Variants in CCDC171 observed in about 807,000 individuals in gnomAD.
CCDC171 encodes the protein coiled-coil domain containing 171, also known as coiled-coil domain-containing protein 171.
Under a neutral mutation model 168.2 loss-of-function variants are expected in CCDC171, and 177 were observed. The observed-to-expected ratio is 1.05, with a 90% CI of 0.93 to 1.19. The LOEUF is 1.19. Among genes scored for constraint, CCDC171 ranks in the 50% most tolerant of loss-of-function variants. The pLI, the probability that CCDC171 is intolerant of heterozygous loss-of-function variation, is 0.00. For synonymous variants in CCDC171, 687 were observed against 540.8 expected (o/e 1.27, Z -3.75); for missense variants, 1,991 against 1,539.0 (o/e 1.29, Z -4.91).
intron 24 of CCDC171, among the ~76,000 whole-genome samples, chr9:15,878,507 G>C (rs1348316683): frequency 1.3e-5 from 2 of 152,146 alleles, no homozygotes; most frequent in African/African-American, 4.8e-5. Flanking sequence ...TGGAGAAAAG[G>C]GAATGCTTAT....
At chr9:15,844,125 C>T (rs541876839) in intron 21 of CCDC171, among the ~76,000 whole-genome samples, 1 of 152,200 alleles carries the variant, frequency 6.6e-6, no homozygotes, top group Middle Eastern at 3.4e-3. Flanking sequence ...TAGTGGCTAA[C>T]CTGCTGCTTA....
intron 6 of CCDC171, among the ~76,000 whole-genome samples, chr9:15,618,711 G>A (rs1490137499): frequency 6.6e-6 from 1 of 152,160 alleles, no homozygotes; most frequent in African/African-American, 2.4e-5. Flanking sequence ...GTAGTACTCA[G>A]GGCGGGTAGC....
intron 18 of CCDC171, among the ~76,000 whole-genome samples, chr9:15,755,098 C>G (rs1234275190): frequency 6.6e-6 from 1 of 152,072 alleles, no homozygotes; most frequent in Non-Finnish European, 1.5e-5. Context: ...TATTGGATGA[C>G]CCTACTTAAA....
intron 22 of CCDC171, among the ~76,000 whole-genome samples, chr9:15,848,296 T>G (rs80246404): frequency 0.027 from 4,093 of 152,078 alleles, 197 homozygotes; most frequent in African/African-American, 0.093. Flanking sequence ...TTTATCTTCA[T>G]TATTTTCATT....
intron 25 of CCDC171, among the ~76,000 whole-genome samples, chr9:15,936,576 G>A (rs1364043027): frequency 6.6e-6 from 1 of 151,928 alleles, no homozygotes; most frequent in South Asian, 2.1e-4. Flanking sequence ...GAACACTTGG[G>A]CCTGCTGCAT....
chr9:15,955,049 A>G (rs987141779), intron 25 of CCDC171, among the ~76,000 whole-genome samples: 2 of 152,152 alleles, frequency 1.3e-5, no homozygotes, highest in African/African-American at 4.8e-5. Flanking sequence ...ATAGAATAAT[A>G]TAGTAACTCT....
chr9:15,926,500 T>G (rs1053510648), intron 25 of CCDC171, among the ~76,000 whole-genome samples: 2 of 151,612 alleles, frequency 1.3e-5, no homozygotes, highest in Non-Finnish European at 3.0e-5. Flanking sequence ...TTTTTGATGC[T>G]CTTTCTTGAC....
chr9:15,934,722 C>G (rs1156526025), intron 25 of CCDC171, among the ~76,000 whole-genome samples: 2 of 152,000 alleles, frequency 1.3e-5, no homozygotes, highest in South Asian at 2.1e-4. Context: ...TATAGCAGCA[C>G]TATTTACAAA....
intron 3 of CCDC171, among the ~76,000 whole-genome samples, chr9:16,011,339 A>G (rs1179022715): frequency 6.6e-6 from 1 of 152,218 alleles, no homozygotes; most frequent in Non-Finnish European, 1.5e-5. Context: ...ACAATGCAGG[A>G]AGACAGTCCT....
At chr9:16,054,919 G>A (rs1369048784) in intron 1 of CCDC171, among the ~76,000 whole-genome samples, 2 of 152,206 alleles carry the variant, frequency 1.3e-5, no homozygotes, top group African/African-American at 4.8e-5. Context: ...GCGGGGGGCA[G>A]GTGGAACTAC....
chr9:16,051,358 G>T (rs1374350571), intron 1 of CCDC171, among the ~76,000 whole-genome samples: 11 of 152,078 alleles, frequency 7.2e-5, no homozygotes, highest in Non-Finnish European at 1.0e-4. Flanking sequence ...CCAGCCCTTG[G>T]TTTTGCCCCC....
the CCDC171 span, among the ~76,000 whole-genome samples, chr9:16,092,568 T>C: frequency 1.6e-3 from 240 of 152,296 alleles, no homozygotes; most frequent in African/African-American, 5.6e-3. Flanking sequence ...CTATATGTCA[T>C]AGCACTTTAC....
chr9:15,567,377 A>G (rs957461020), intron 2 of CCDC171, among the ~76,000 whole-genome samples: 1 of 152,228 alleles, frequency 6.6e-6, no homozygotes, highest in Non-Finnish European at 1.5e-5. Context: ...ATTAGGAATC[A>G]AAAGTTTTCC....
intron 21 of CCDC171, among the ~76,000 whole-genome samples, chr9:15,802,795 A>G (rs1306878790): frequency 6.6e-6 from 1 of 152,146 alleles, no homozygotes; most frequent in Admixed American, 6.6e-5. Context: ...GCTGAGTTAA[A>G]TGGTATTTCT....
intron 15 of CCDC171, among the ~76,000 whole-genome samples, chr9:15,728,963 C>T (rs1163233629): frequency 1.3e-5 from 2 of 152,034 alleles, no homozygotes; most frequent in African/African-American, 4.8e-5. Context: ...CAACCATAGA[C>T]ACTGAGAAGT....
intron 18 of CCDC171, among the ~76,000 whole-genome samples, chr9:15,753,741 AG>A (rs2055912757): frequency 6.6e-6 from 1 of 152,114 alleles, no homozygotes; most frequent in South Asian, 2.1e-4. Context: ...ACTTTTTTTT[AG>A]GGTAAGTTTT....
At chr9:15,558,753 G>C (rs896511497) in intron 1 of CCDC171, among the ~76,000 whole-genome samples, 2 of 152,014 alleles carry the variant, frequency 1.3e-5, no homozygotes, top group Non-Finnish European at 2.9e-5. Flanking sequence ...TCTGATCTTA[G>C]TTATTTCTTG....
intron 1 of CCDC171, among the ~76,000 whole-genome samples, chr9:16,050,388 C>A (rs1586861881): frequency 6.6e-6 from 1 of 152,124 alleles, no homozygotes; most frequent in Non-Finnish European, 1.5e-5. Context: ...AATTTGTAGA[C>A]CATAATCACT....
chr9:16,102,508 G>T, the CCDC171 span, among the ~76,000 whole-genome samples: 1 of 135,130 alleles, frequency 7.4e-6, no homozygotes, highest in African/African-American at 2.7e-5. Flanking sequence ...CGGGGGTGGG[G>T]GCAGGGGGGA....
Sources: gnomAD v4.1 joint callset for allele counts (sites outside exome capture counted in the v4.1 genomes callset) on GRCh38, gnomAD v4.1.1 for gene constraint, MANE v1.5 for transcripts, NCBI Gene and HGNC (gene_info 2026-07-23, HGNC 2026-07-21) for gene names.